BBS9: variants seen among roughly 807,000 people sequenced by gnomAD.
The protein encoded by BBS9 is Bardet-Biedl syndrome 9.
BBS9 carries 89 observed loss-of-function variants against 117.7 expected under a neutral mutation model. The ratio of observed to expected loss-of-function variants is 0.76; its 90% confidence interval spans 0.64 to 0.90. The LOEUF is 0.90. Among genes scored for constraint, BBS9 ranks in the 40% least tolerant of loss-of-function variants. BBS9 has a pLI of 0.00. For synonymous variants in BBS9, 379 were observed against 370.9 expected, an observed-to-expected ratio of 1.02 and a Z score of -0.25; for missense variants, 982 against 1,042.2, an observed-to-expected ratio of 0.94 and a Z score of 0.80.
chr7:33,472,419 G>A (rs527453671), intron 19 of BBS9, among the ~76,000 whole-genome samples: 1 of 152,306 alleles, frequency 6.6e-6, no homozygotes, highest in East Asian at 1.9e-4. Flanking sequence ...GATTTCTTAT[G>A]CAATACTTGA....
intron 21 of BBS9, among the ~76,000 whole-genome samples, chr7:33,595,165 A>G (rs576520718): frequency 2.6e-5 from 4 of 152,310 alleles, no homozygotes; most frequent in East Asian, 1.9e-4. Flanking sequence ...GCCAAAAGCA[A>G]TTGCAACAAA....
chr7:33,444,938 T>A (rs1836772771), intron 19 of BBS9, among the ~76,000 whole-genome samples: 1 of 152,232 alleles, frequency 6.6e-6, no homozygotes, highest in Non-Finnish European at 1.5e-5. Flanking sequence ...GCTGGTTTAG[T>A]TGCTTCCAAA....
intron 6 of BBS9, among the ~76,000 whole-genome samples, chr7:33,263,680 C>T (rs1417435317): frequency 6.6e-6 from 1 of 152,064 alleles, no homozygotes; most frequent in African/African-American, 2.4e-5. Flanking sequence ...ATAAATCTGT[C>T]TCTTTGTCAA....
At chr7:33,157,115 G>A (rs1175095446) in intron 4 of BBS9, among the ~76,000 whole-genome samples, 1 of 152,058 alleles carries the variant, frequency 6.6e-6, no homozygotes, top group African/African-American at 2.4e-5. Flanking sequence ...CAGAGAGGAG[G>A]GTATCTTAGA....
chr7:33,207,722 G>C (rs1368198928), intron 5 of BBS9, among the ~76,000 whole-genome samples: 1 of 151,970 alleles, frequency 6.6e-6, no homozygotes, highest in Non-Finnish European at 1.5e-5. Context: ...TAGAAAATAT[G>C]TGCATGTATA....
intron 21 of BBS9, among the ~76,000 whole-genome samples, 173 bp from the exon 22 acceptor site, chr7:33,604,692 G>A (rs894545688): frequency 1.3e-5 from 2 of 152,090 alleles, no homozygotes; most frequent in African/African-American, 4.8e-5. Context: ...TTCATTCCCA[G>A]TATTCTCACC....
intron 15 of BBS9, among the ~76,000 whole-genome samples, chr7:33,357,323 A>G (rs1819779169): frequency 2.0e-5 from 3 of 151,832 alleles, no homozygotes. Flanking sequence ...CATGGACTTC[A>G]ATAGAACTTC....
intron 19 of BBS9, among the ~76,000 whole-genome samples, chr7:33,503,993 T>C (rs1235966678): frequency 6.6e-6 from 1 of 152,198 alleles, no homozygotes; most frequent in African/African-American, 2.4e-5. Context: ...ACACTTACTT[T>C]CTGTTCTGCA....
intron 5 of BBS9, among the ~76,000 whole-genome samples, chr7:33,240,344 A>C (rs1794282036): frequency 6.6e-6 from 1 of 150,714 alleles, no homozygotes; most frequent in African/African-American, 2.4e-5. Flanking sequence ...TGTAGTTTTG[A>C]CGTCCTGGGC....
intron 5 of BBS9, among the ~76,000 whole-genome samples, chr7:33,238,184 T>A (rs73307394): frequency 2.0e-5 from 3 of 152,348 alleles, no homozygotes; most frequent in African/African-American, 7.2e-5. Flanking sequence ...TGTTTGAACA[T>A]GTGATTTTAA....
At chr7:33,617,085 A>G (rs1412327867) in intron 21 of BBS9, among the ~76,000 whole-genome samples, 1 of 152,068 alleles carries the variant, frequency 6.6e-6, no homozygotes, top group Non-Finnish European at 1.5e-5. Context: ...TAGTGTATAT[A>G]TAAATATACT....
intron 5 of BBS9, among the ~76,000 whole-genome samples, chr7:33,248,444 T>A (rs1015705243): frequency 1.3e-5 from 2 of 152,176 alleles, no homozygotes; most frequent in African/African-American, 4.8e-5. Flanking sequence ...TAATTACCAA[T>A]TATTAGTTAC....
chr7:33,550,847 T>A (rs1274984692), intron 21 of BBS9, among the ~76,000 whole-genome samples: 1 of 152,212 alleles, frequency 6.6e-6, no homozygotes, highest in Non-Finnish European at 1.5e-5. Context: ...TTTAGTTGTA[T>A]TTCTGTGTAC....
chr7:33,211,881 T>A (rs1222930692), intron 5 of BBS9, among the ~76,000 whole-genome samples: 1 of 139,486 alleles, frequency 7.2e-6, no homozygotes, highest in African/African-American at 2.7e-5. Context: ...TTCAACACTT[T>A]AAATATTTTA....
chr7:33,573,771 A>G (rs1469388764), intron 21 of BBS9, among the ~76,000 whole-genome samples: 3 of 152,144 alleles, frequency 2.0e-5, no homozygotes, highest in South Asian at 4.1e-4. Flanking sequence ...TCTGGTAGAT[A>G]TAGTAATGTA....
rs60241283 is a variant in BBS9, at chr7:33,173,591, T to G, written c.329-3887T>G. Among the ~76,000 whole-genome samples the G allele has an allele frequency of 6.4e-3, 958 of 150,372 alleles. 12 individuals are homozygous for G. The highest frequency in any genetic ancestry group is 0.022 in the African/African-American group (908 of 41,174). ...CATCCTAAAAAAAAAAAAAAAAAAT[T>G]GAAAAATTTTAGAAGCTTCCACAGG... On this transcript the variant is annotated intron_variant, in intron 4 of 22. Coordinates refer to ENST00000242067, the MANE Select transcript of BBS9 (RefSeq NM_198428.3).
intron 5 of BBS9, among the ~76,000 whole-genome samples, chr7:33,217,206 T>G (rs1039572261): frequency 6.6e-6 from 1 of 151,632 alleles, no homozygotes; most frequent in Non-Finnish European, 1.5e-5. Context: ...TAAAATATAT[T>G]TAAATGTATT....
At chr7:33,343,364 T>C (rs1057012094) in intron 11 of BBS9, among the ~76,000 whole-genome samples, 1 of 152,220 alleles carries the variant, frequency 6.6e-6, no homozygotes, top group Non-Finnish European at 1.5e-5. Context: ...TTATGTATTA[T>C]ATTATACTAT....
intron 5 of BBS9, among the ~76,000 whole-genome samples, chr7:33,204,652 C>T (rs1250622336): frequency 3.3e-5 from 5 of 152,182 alleles, no homozygotes; most frequent in African/African-American, 7.2e-5. Flanking sequence ...AGATGAGACA[C>T]GAAGTCCAAT....
Sources: allele counts gnomAD v4.1 joint callset (sites outside exome capture counted in the v4.1 genomes callset), GRCh38; gene constraint gnomAD v4.1.1; transcripts MANE v1.5; gene names NCBI Gene and HGNC (gene_info 2026-07-23, HGNC 2026-07-21).